HIP1: variants seen among roughly 807,000 people sequenced by gnomAD.
The protein encoded by HIP1 is huntingtin-interacting protein 1.
In HIP1, 65 loss-of-function variants were observed where a neutral mutation model predicts 147.6. The observed-to-expected ratio is 0.44, with a 90% CI of 0.36 to 0.54. The LOEUF (loss-of-function observed/expected upper bound fraction) is 0.54, where lower values mean the gene tolerates loss of function less well. Ranked by LOEUF, HIP1 falls within the 20% of genes least tolerant of loss-of-function variation. HIP1 has a pLI of 0.00. For synonymous variants in HIP1, 479 were observed against 504.0 expected (o/e 0.95, Z 0.67); for missense variants, 1,061 against 1,299.6 (o/e 0.82, Z 2.82).
intron 1 of HIP1, among the ~76,000 whole-genome samples, chr7:75,660,180 A>G (rs1799267568): frequency 6.6e-6 from 1 of 151,140 alleles, no homozygotes; most frequent in African/African-American, 2.4e-5. Flanking sequence ...AGACAGCCTA[A>G]GTCTACTGCC....
intron 5 of HIP1, among the ~76,000 whole-genome samples, chr7:75,586,443 C>G (rs587654393): frequency 6.6e-6 from 1 of 152,254 alleles, no homozygotes; most frequent in South Asian, 2.1e-4. Context: ...CTCGGGTGAT[C>G]CATCCGCCTG....
chr7:75,589,637 T>G (rs1796413680), intron 4 of HIP1, among the ~76,000 whole-genome samples: 1 of 127,386 alleles, frequency 7.9e-6, no homozygotes, highest in African/African-American at 3.1e-5. Context: ...GAGCTGAGAT[T>G]ATGCCAGTGT....
At chr7:75,727,375 C>A (rs1801683149) in intron 1 of HIP1, among the ~76,000 whole-genome samples, 2 of 151,434 alleles carry the variant, frequency 1.3e-5, no homozygotes, top group South Asian at 4.2e-4. Context: ...GGATTACAGG[C>A]ATGGGCCACA....
chr7:75,712,595 A>C (rs1801191511), intron 1 of HIP1, among the ~76,000 whole-genome samples: 1 of 152,146 alleles, frequency 6.6e-6, no homozygotes, highest in Admixed American at 6.6e-5. Context: ...AATCCATTCA[A>C]TCATTCATTC....
intron 1 of HIP1, among the ~76,000 whole-genome samples, chr7:75,636,350 CAAAA>C (rs587671233): frequency 8.5e-6 from 1 of 117,090 alleles, no homozygotes; most frequent in Non-Finnish European, 1.8e-5. Flanking sequence ...GACTCTGTCT[CAAAA>C]AAAAAAAAAA....
chr7:75,611,461 T>G (rs1302613706), intron 1 of HIP1, among the ~76,000 whole-genome samples: 1 of 135,442 alleles, frequency 7.4e-6, no homozygotes, highest in Non-Finnish European at 1.5e-5. Context: ...AGTGAGACTC[T>G]GTCTCAAAAA....
intron 1 of HIP1, among the ~76,000 whole-genome samples, chr7:75,660,193 A>G (rs1799267988): frequency 6.7e-6 from 1 of 148,738 alleles, no homozygotes; most frequent in Non-Finnish European, 1.5e-5. Context: ...CTACTGCCGA[A>G]GTATTTAAGA....
At chr7:75,588,707 G>A (rs73139372) in intron 4 of HIP1, among the ~76,000 whole-genome samples, 21,499 of 152,078 alleles carry the variant, frequency 0.14, 1,771 homozygotes, top group Middle Eastern at 0.24. Flanking sequence ...TCAGGAGGTT[G>A]AGGCTGCAAT....
intron 1 of HIP1, among the ~76,000 whole-genome samples, chr7:75,649,431 C>T (rs1266406911): frequency 6.6e-6 from 1 of 152,202 alleles, no homozygotes; most frequent in African/African-American, 2.4e-5. Flanking sequence ...ACCCTGAACA[C>T]TATTTTCCAA....
Position 75,554,225 on chromosome 7 carries a change from C to A in HIP1, c.2051-5G>T, listed in dbSNP as rs1188224100. 1.2e-6 allele frequency: 2 copies of A among 1,611,630 alleles called. No homozygotes were observed. The highest frequency in any genetic ancestry group is 2.2e-5 in the South Asian group (2 of 90,958). The stretch of plus-strand genomic sequence containing the variant: ...AATGGAGAAGTCCACTGATGTCTGC[C>A]AGGATTGGAAAGAGAAGTTTCTCAG... On this transcript the variant is annotated splice_polypyrimidine_tract_variant and splice_region_variant and intron_variant, in intron 20 of 30. Transcript: ENST00000336926.
At chr7:75,657,268 C>T (rs1191858450) in intron 1 of HIP1, among the ~76,000 whole-genome samples, 1 of 152,142 alleles carries the variant, frequency 6.6e-6, no homozygotes, top group South Asian at 2.1e-4. Flanking sequence ...TGGTGGCTCA[C>T]GCCTGTAATC....
At chr7:75,634,221 C>T (rs191029353) in intron 1 of HIP1, among the ~76,000 whole-genome samples, 1 of 152,082 alleles carries the variant, frequency 6.6e-6, no homozygotes, top group Admixed American at 6.5e-5. Context: ...GATCGCACCA[C>T]TGCACCCCAG....
intron 1 of HIP1, among the ~76,000 whole-genome samples, chr7:75,660,697 C>T (rs1799283587): frequency 6.6e-6 from 1 of 152,130 alleles, no homozygotes; most frequent in Non-Finnish European, 1.5e-5. Flanking sequence ...AGTAAAGGCA[C>T]GTGGTTTGTT....
At chr7:75,576,896 T>C (rs1795864614) in intron 7 of HIP1, among the ~76,000 whole-genome samples, 1 of 152,228 alleles carries the variant, frequency 6.6e-6, no homozygotes, top group African/African-American at 2.4e-5. Context: ...ATTAGCCATA[T>C]GTGGCTTTCT....
chr7:75,688,977 C>T lies in HIP1; in HGVS notation c.120+49824G>A, dbSNP rs182612488. Among the ~76,000 whole-genome samples, 153 of 152,236 alleles carry T rather than the reference C, an allele frequency of 1.0e-3. 1 individual carries two copies. Among genetic ancestry groups the T allele is most frequent in the African/African-American group, 3.5e-3 (145 of 41,552 alleles). ...ACTGCAGAGCCTCTGGGCAGCCTGC[C>T]GGCAGCCAGTCACCATGATGTGAAA... is the stretch of plus-strand genomic sequence containing the variant. On this transcript the variant is annotated intron_variant, in intron 1 of 30. Transcript: ENST00000336926.
chr7:75,664,294 ATG>A (rs1799465407), intron 1 of HIP1, among the ~76,000 whole-genome samples: 1 of 77,486 alleles, frequency 1.3e-5, no homozygotes, highest in South Asian at 4.2e-4. Flanking sequence ...ACATATATGT[ATG>A]TATATATGTA....
intron 1 of HIP1, among the ~76,000 whole-genome samples, chr7:75,701,718 T>C (rs1800838859): frequency 1.3e-5 from 2 of 151,918 alleles, no homozygotes; most frequent in South Asian, 4.2e-4. Context: ...CTTGGCCTGG[T>C]GGTGCACACC....
chr7:75,684,779 C>T (rs1414444421), intron 1 of HIP1, among the ~76,000 whole-genome samples: 2 of 151,946 alleles, frequency 1.3e-5, no homozygotes, highest in Non-Finnish European at 2.9e-5. Context: ...AACACTGGGG[C>T]TCAAAGCATG....
chr7:75,560,918 T>G (rs1795206722), intron 13 of HIP1, among the ~76,000 whole-genome samples: 1 of 151,136 alleles, frequency 6.6e-6, no homozygotes. Flanking sequence ...TAACCTACCC[T>G]AAGGATGTGG....
Sources: allele counts gnomAD v4.1 joint callset (sites outside exome capture counted in the v4.1 genomes callset), GRCh38; gene constraint gnomAD v4.1.1; transcripts MANE v1.5; gene names NCBI Gene and HGNC (gene_info 2026-07-23, HGNC 2026-07-21).